KCNQ5: variants seen among roughly 807,000 people sequenced by gnomAD.
The protein encoded by KCNQ5 is potassium voltage-gated channel subfamily Q member 5, also known as potassium voltage-gated channel subfamily KQT member 5.
In KCNQ5, 30 loss-of-function variants were observed where a neutral mutation model predicts 98.2. The observed-to-expected ratio is 0.31, with a 90% CI of 0.23 to 0.41. The LOEUF is 0.41. Among genes scored for constraint, KCNQ5 ranks in the 10% least tolerant of loss-of-function variants. KCNQ5 has a pLI of 1.00. For missense variants in KCNQ5, 835 were observed against 1,182.5 expected, an observed-to-expected ratio of 0.71 and a Z score of 4.31; for synonymous variants, 458 against 449.4, an observed-to-expected ratio of 1.02 and a Z score of -0.24.
chr6:72,937,174 G>GA (rs1380038304), intron 1 of KCNQ5, among the ~76,000 whole-genome samples: 4 of 152,082 alleles, frequency 2.6e-5, no homozygotes, highest in Non-Finnish European at 1.5e-5. Flanking sequence ...AGTGCTTTAC[G>GA]AACCCAGAGA....
intron 1 of KCNQ5, among the ~76,000 whole-genome samples, chr6:72,856,734 G>A (rs1034100917): frequency 2.0e-5 from 3 of 152,144 alleles, no homozygotes; most frequent in African/African-American, 7.2e-5. Context: ...AGAAATATTT[G>A]TGCATTAATT....
chr6:72,934,352 C>T (rs967680143), intron 1 of KCNQ5, among the ~76,000 whole-genome samples: 4 of 151,840 alleles, frequency 2.6e-5, no homozygotes, highest in African/African-American at 9.7e-5. Context: ...ATGTTGATGA[C>T]GGTGGTGGTG....
intron 11 of KCNQ5, among the ~76,000 whole-genome samples, chr6:73,174,946 T>C (rs1778156629): frequency 6.6e-6 from 1 of 152,204 alleles, no homozygotes; most frequent in Admixed American, 6.5e-5. Context: ...TCTGGGTCAG[T>C]CTTTTCCTTT....
intron 1 of KCNQ5, among the ~76,000 whole-genome samples, chr6:72,864,738 T>C (rs758938917): frequency 6.0e-4 from 91 of 152,232 alleles, no homozygotes; most frequent in Admixed American, 1.7e-3. Context: ...TTTAGAAATA[T>C]AAGTGCTACA....
chr6:73,182,264 C>T (rs911989477), intron 11 of KCNQ5, among the ~76,000 whole-genome samples: 1 of 152,152 alleles, frequency 6.6e-6, no homozygotes, highest in Non-Finnish European at 1.5e-5. Context: ...TATGGCTGCT[C>T]GCATGCTACA....
At chr6:72,797,440 G>T (rs1172099086) in intron 1 of KCNQ5, among the ~76,000 whole-genome samples, 3 of 151,076 alleles carry the variant, frequency 2.0e-5, no homozygotes, top group African/African-American at 7.3e-5. Context: ...AGGAGGTCAA[G>T]GTTGCAGTGA....
At chr6:72,925,145 A>AT (rs1015123362) in intron 1 of KCNQ5, among the ~76,000 whole-genome samples, 19 of 152,246 alleles carry the variant, frequency 1.2e-4, no homozygotes, top group African/African-American at 3.1e-4. Context: ...TAATTGAGTG[A>AT]TTTTTTTCTC....
chr6:72,622,225 C>G lies in KCNQ5; in HGVS notation c.36C>G (p.Gly12=). 3 of 1,234,592 alleles carry G rather than the reference C, an allele frequency of 2.4e-6. No individual in the cohort carries two copies. Among genetic ancestry groups the G allele is most frequent in the Non-Finnish European group, 3.0e-6 (3 of 990,422 alleles). The allele number at this position is 1,234,592 out of a possible 1,614,324, so 76.5% of individuals were successfully genotyped here. A position where few individuals can be genotyped will look rare whatever the true frequency, so the allele number is the denominator to read the frequency against. ...ACCACGCGGGAGGAGAGGAGGGCGG[C>G]GCCGCCGGGCTCTGGGTGAAGAGCG... is the stretch of plus-strand genomic sequence containing the variant. The part of the protein sequence containing the change: ...PRHHAGGEEG[G]AAGLWVKSGA... Residue 12 remains glycine (G), a synonymous_variant, in exon 1 of 14, where the codon GGC becomes GGG. Coordinates refer to ENST00000370398, the MANE Select transcript of KCNQ5 (RefSeq NM_019842.4). This position sits in a 1 kb window ranked among gnomAD's most constrained non-coding sequence, Gnocchi z 6.0.
intron 1 of KCNQ5, among the ~76,000 whole-genome samples, chr6:72,879,237 T>C (rs564525896): frequency 1.2e-4 from 19 of 152,206 alleles, no homozygotes; most frequent in African/African-American, 4.1e-4. Context: ...CCTCCAAGAG[T>C]GGTGAGAGAT....
intron 10 of KCNQ5, among the ~76,000 whole-genome samples, chr6:73,162,397 A>T (rs1777649570): frequency 6.6e-6 from 1 of 152,238 alleles, no homozygotes; most frequent in Non-Finnish European, 1.5e-5. Flanking sequence ...TCTGCCAGGG[A>T]GGATCCCAAG....
rs534753360 is a variant in KCNQ5, at chr6:73,069,504, C to T, written c.617-7818C>T. On this transcript the variant is annotated intron_variant, in intron 3 of 13. Transcript: ENST00000370398. ...TTGAACATCTACAGTATGATATGTA[C>T]GGAGCTAGTCACTGAGGTTACAAAA... 2.0e-4 allele frequency among the ~76,000 whole-genome samples: 30 copies of T among 151,840 alleles called. No individual in the cohort carries two copies. In the South Asian group the frequency reaches 4.4e-3, roughly 22 times the overall value.
At chr6:73,125,004 A>T (rs1775914758) in intron 9 of KCNQ5, among the ~76,000 whole-genome samples, 1 of 136,922 alleles carries the variant, frequency 7.3e-6, no homozygotes, top group African/African-American at 2.7e-5. Flanking sequence ...TATATATATC[A>T]TATACATATA....
At chr6:72,853,178 T>G (rs969461664) in intron 1 of KCNQ5, among the ~76,000 whole-genome samples, 8 of 152,312 alleles carry the variant, frequency 5.3e-5, no homozygotes, top group African/African-American at 1.7e-4. Flanking sequence ...AAAGTACATC[T>G]TATGTCCCCT....
chr6:73,042,135 T>G (rs1771740659), intron 3 of KCNQ5, 73 bp downstream of exon 3: 1 of 1,561,022 alleles, frequency 6.4e-7, no homozygotes, highest in African/African-American at 1.4e-5. Flanking sequence ...TTTTGCAATA[T>G]TTGATTAATA....
chr6:72,906,379 C>T (rs903294085), intron 1 of KCNQ5, among the ~76,000 whole-genome samples: 5 of 152,190 alleles, frequency 3.3e-5, no homozygotes, highest in East Asian at 1.9e-4. Flanking sequence ...GGAGTCTGCA[C>T]GCTGGATTTG....
At chr6:72,678,854 A>G (rs1767552607) in intron 1 of KCNQ5, among the ~76,000 whole-genome samples, 1 of 152,202 alleles carries the variant, frequency 6.6e-6, no homozygotes, top group Admixed American at 6.5e-5. Context: ...GTTTTGACTC[A>G]ACTTCTTTCC....
At chr6:73,190,044 A>G (rs764227855) in intron 11 of KCNQ5, among the ~76,000 whole-genome samples, 8 of 149,928 alleles carry the variant, frequency 5.3e-5, no homozygotes, top group Non-Finnish European at 1.2e-4. Context: ...GAACTTGGCT[A>G]GCTAATCCAG....
intron 1 of KCNQ5, among the ~76,000 whole-genome samples, chr6:72,675,206 A>G (rs1767349302): frequency 1.3e-5 from 2 of 152,186 alleles, no homozygotes; most frequent in African/African-American, 4.8e-5. Context: ...GGGACCACTC[A>G]GTTTTCAAAA....
At chr6:72,697,416 T>A (rs1351353683) in intron 1 of KCNQ5, among the ~76,000 whole-genome samples, 2 of 152,218 alleles carry the variant, frequency 1.3e-5, no homozygotes, top group South Asian at 4.1e-4. Flanking sequence ...GCTTCTTCTC[T>A]GAAATCTGGT....
Sources: gnomAD v4.1 joint callset for allele counts (sites outside exome capture counted in the v4.1 genomes callset) on GRCh38, gnomAD v4.1.1 for gene constraint, Gnocchi (gnomAD v3.1) non-coding constraint, MANE v1.5 for transcripts, NCBI Gene and HGNC (gene_info 2026-07-23, HGNC 2026-07-21) for gene names.